MICU1: variants seen among roughly 807,000 people sequenced by gnomAD.
The protein encoded by MICU1 is calcium uptake protein 1, mitochondrial.
A neutral mutation model predicts 56.8 loss-of-function variants in MICU1; 45 were observed. The observed-to-expected ratio is 0.79, with a 90% CI of 0.62 to 1.02. The LOEUF is 1.02. MICU1 is among the 50% of genes least tolerant of loss of function. MICU1 has a pLI of 0.00. For synonymous variants in MICU1, 186 were observed against 195.1 expected, an observed-to-expected ratio of 0.95 and a Z score of 0.39; for missense variants, 504 against 587.1, an observed-to-expected ratio of 0.86 and a Z score of 1.46.
At position 72,551,294 on chromosome 10, in the gene MICU1, T is replaced by C; in HGVS notation, c.378A>G (p.Lys126=). ...NRIRAYSTPD[K]IFRYFATLKV... ...TCAAGGTGGCAAAATATCGGAAGATTTTGTCTGGCGTGGAGTAGGCTCGAA... is the reference window on the plus strand; with the variant it reads ...TCAAGGTGGCAAAATATCGGAAGATCTTGTCTGGCGTGGAGTAGGCTCGAA... Residue 126 remains lysine, a synonymous_variant, in exon 4 of 12, where the codon AAA becomes AAG. Coordinates refer to ENST00000361114, the MANE Select transcript of MICU1 (RefSeq NM_001195518.2). The C allele has an allele frequency of 1.2e-6, 2 of 1,613,406 alleles. No homozygotes were observed. Among genetic ancestry groups the C allele is most frequent in the Non-Finnish European group, 8.5e-7 (1 of 1,179,628 alleles).
chr10:72,448,131 G>A (rs369970170), intron 8 of MICU1, among the ~76,000 whole-genome samples: 1 of 128,730 alleles, frequency 7.8e-6, no homozygotes, highest in Admixed American at 8.3e-5. Flanking sequence ...ATGTGTGTGT[G>A]TGTGTGTGTG....
intron 1 of MICU1, among the ~76,000 whole-genome samples, chr10:72,605,159 G>A (rs1035224651): frequency 1.3e-5 from 2 of 152,088 alleles, no homozygotes; most frequent in African/African-American, 4.8e-5. Context: ...AGATGACAAC[G>A]AAAACAACCT....
intron 4 of MICU1, among the ~76,000 whole-genome samples, chr10:72,536,212 G>C (rs1025615557): frequency 6.6e-6 from 1 of 151,940 alleles, no homozygotes. Context: ...CTGACACAAA[G>C]AAATGACAAA....
At position 72,408,044 on chromosome 10, in the gene MICU1, G is replaced by A. The variant is rs1291687471; in HGVS notation, c.1072-7C>T. The A allele has an allele frequency of 6.3e-7, 1 of 1,597,412 alleles. No individual in the cohort carries two copies. Among genetic ancestry groups the A allele is most frequent in the South Asian group, 1.1e-5 (1 of 90,272 alleles). ...CCTCCTGAAATGTCAGACCCTGCAA[G>A]AGGAGAGACAGCAAGGTAAGGCAGG... On this transcript the variant is annotated splice_region_variant and splice_polypyrimidine_tract_variant and intron_variant, in intron 9 of 11. Transcript: ENST00000361114.
chr10:72,522,320 G>A (rs1867848123), intron 5 of MICU1, among the ~76,000 whole-genome samples: 1 of 152,080 alleles, frequency 6.6e-6, no homozygotes, highest in Non-Finnish European at 1.5e-5. Flanking sequence ...AAAGATGAAG[G>A]TGTAAGAAAT....
chr10:72,555,874 T>C (rs1840146363), intron 3 of MICU1, among the ~76,000 whole-genome samples: 1 of 152,180 alleles, frequency 6.6e-6, no homozygotes, highest in South Asian at 2.1e-4. Context: ...CTTTCTATTG[T>C]TAAAAGGGAC....
At chr10:72,616,123 TG>T (rs1408528624) in intron 1 of MICU1, among the ~76,000 whole-genome samples, 1 of 152,252 alleles carries the variant, frequency 6.6e-6, no homozygotes, top group Non-Finnish European at 1.5e-5. Context: ...ACTTCTGTTT[TG>T]GTTTCTAATT....
chr10:72,369,660 G>A (rs1862260446), intron 11 of MICU1, among the ~76,000 whole-genome samples: 1 of 151,960 alleles, frequency 6.6e-6, no homozygotes, highest in Non-Finnish European at 1.5e-5. Flanking sequence ...TTCAGTGTCA[G>A]AGGGCTGGAA....
intron 10 of MICU1, among the ~76,000 whole-genome samples, chr10:72,384,752 G>GC (rs1319058691): frequency 6.6e-6 from 1 of 152,078 alleles, no homozygotes; most frequent in African/African-American, 2.4e-5. Context: ...GAGCTTCCTT[G>GC]CCTACATCAT....
At chr10:72,526,391 G>T (rs1045956313) in intron 5 of MICU1, among the ~76,000 whole-genome samples, 3 of 152,090 alleles carry the variant, frequency 2.0e-5, no homozygotes, top group African/African-American at 7.2e-5. Flanking sequence ...CGCCTCCCGG[G>T]TTCAAGTGAA....
intron 8 of MICU1, among the ~76,000 whole-genome samples, chr10:72,430,595 C>G (rs529964787): frequency 4.5e-4 from 68 of 150,578 alleles, no homozygotes; most frequent in Non-Finnish European, 8.7e-4. Flanking sequence ...GGGTCTCGCT[C>G]TGTTGCCCAG....
At chr10:72,374,223 C>G (rs771343558) in intron 11 of MICU1, among the ~76,000 whole-genome samples, 9 of 152,228 alleles carry the variant, frequency 5.9e-5, no homozygotes, top group African/African-American at 2.2e-4. Context: ...CCGCTTCAAG[C>G]GATCCTCTCA....
intron 4 of MICU1, among the ~76,000 whole-genome samples, chr10:72,540,851 G>C (rs1035739770): frequency 2.0e-5 from 3 of 152,158 alleles, no homozygotes; most frequent in African/African-American, 7.2e-5. Context: ...TCTGAGGTTG[G>C]CTTTCTTTCT....
chr10:72,524,286 A>T (rs1589307284), intron 5 of MICU1, among the ~76,000 whole-genome samples: 1 of 152,218 alleles, frequency 6.6e-6, no homozygotes, highest in East Asian at 1.9e-4. Flanking sequence ...GTTTTCATAG[A>T]GATGAGGTCT....
At position 72,506,754 on chromosome 10, in the gene MICU1, C is replaced by T. The variant is rs570447600; in HGVS notation, c.652+1401G>A. On this transcript the variant is annotated intron_variant, in intron 6 of 11. Coordinates refer to ENST00000361114, the MANE Select transcript of MICU1 (RefSeq NM_001195518.2). The stretch of plus-strand genomic sequence containing the variant: ...CACAACAGAAGAACAAATCTATTGT[C>T]TTCCCCCAAATCACAAGCTAAGAAA... 3.9e-5 allele frequency among the ~76,000 whole-genome samples: 6 copies of T among 152,282 alleles called. 1 individual carries two copies. The South Asian group carries it at 1.2e-3, about 32-fold the overall frequency.
At chr10:72,595,090 C>T (rs10823936) in intron 1 of MICU1, among the ~76,000 whole-genome samples, 88,667 of 151,578 alleles carry the variant, frequency 0.58, 27,196 homozygotes, top group Non-Finnish European at 0.67. Flanking sequence ...GCTGAAATTC[C>T]GTATTTTTCC....
chr10:72,387,102 G>A (rs1862916669), intron 10 of MICU1, among the ~76,000 whole-genome samples: 1 of 152,182 alleles, frequency 6.6e-6, no homozygotes, highest in South Asian at 2.1e-4. Context: ...CAGTCCCTGT[G>A]AGGCAATAGA....
Position 72,425,542 on chromosome 10 carries a change from G to C in MICU1, c.934-2171C>G, listed in dbSNP as rs188539198. Among the ~76,000 whole-genome samples, 44 of 152,294 alleles carry C rather than the reference G, an allele frequency of 2.9e-4. 2 individuals carry two copies. The East Asian group carries it at 7.7e-3, about 27-fold the overall frequency. On this transcript the variant is annotated intron_variant, in intron 8 of 11. Coordinates refer to ENST00000361114, the MANE Select transcript of MICU1 (RefSeq NM_001195518.2). ...TTTGAAAACTCAGACTTGTCTTTTGGTAATGGGCTCTATTATGATTATTTT... is the reference window on the plus strand; with the variant it reads ...TTTGAAAACTCAGACTTGTCTTTTGCTAATGGGCTCTATTATGATTATTTT...
At chr10:72,470,323 A>G (rs1283469918) in intron 8 of MICU1, among the ~76,000 whole-genome samples, 1 of 152,246 alleles carries the variant, frequency 6.6e-6, no homozygotes, top group Non-Finnish European at 1.5e-5. Context: ...TAAGGATGTC[A>G]TCAATAAGAA....
Sources: allele counts gnomAD v4.1 joint callset (sites outside exome capture counted in the v4.1 genomes callset), GRCh38; gene constraint gnomAD v4.1.1; transcripts MANE v1.5; gene names NCBI Gene and HGNC (gene_info 2026-07-23, HGNC 2026-07-21).